Variants in PALM2AKAP2 observed in about 807,000 individuals in gnomAD.
PALM2AKAP2 encodes the protein PALM2-AKAP2 fusion protein.
PALM2AKAP2 carries 37 observed loss-of-function variants against 71.5 expected under a neutral mutation model. The observed-to-expected ratio is 0.52, with a 90% confidence interval of 0.40 to 0.68. The LOEUF is 0.68. PALM2AKAP2 is among the 30% of genes least tolerant of loss of function. The probability of loss-of-function intolerance (pLI) is 0.00; values close to 1 mark genes in which losing one functional copy is unlikely to be tolerated. For synonymous variants in PALM2AKAP2, 468 were observed against 478.8 expected, an observed-to-expected ratio of 0.98 and a Z score of 0.29; for missense variants, 1,224 against 1,191.8, an observed-to-expected ratio of 1.03 and a Z score of -0.40.
At chr9:110,051,142 G>A (rs955271414) in intron 1 of PALM2AKAP2, among the ~76,000 whole-genome samples, 5 of 152,160 alleles carry the variant, frequency 3.3e-5, no homozygotes, top group Admixed American at 1.3e-4. Flanking sequence ...GAATAGCTGG[G>A]CTTTGAGATG....
chr9:109,679,095 C>A (rs921283678), intron 1 of PALM2AKAP2, among the ~76,000 whole-genome samples: 3 of 152,198 alleles, frequency 2.0e-5, no homozygotes, highest in Admixed American at 2.0e-4. Flanking sequence ...GTGTCTGAAA[C>A]TACATTAGCT....
chr9:109,704,283 T>TC lies in PALM2AKAP2; in HGVS notation c.5+63423dup, dbSNP rs1375504306. Among the ~76,000 whole-genome samples the TC allele has an allele frequency of 2.0e-5, 3 of 151,994 alleles. No individual in the cohort carries two copies. In the East Asian group the frequency reaches 5.8e-4, roughly 29 times the overall value. On this transcript the variant is annotated intron_variant, in intron 1 of 6. Transcript: ENST00000374531. Reference sequence around the variant, plus strand: ...AGCAGATTCATACTTCTTCCAAATTTCCCCCCTTTTTAGCCTGTAAAGCCA... The same window carrying TC: ...AGCAGATTCATACTTCTTCCAAATTTCCCCCCCTTTTTAGCCTGTAAAGCCA...
intron 7 of PALM2AKAP2, among the ~76,000 whole-genome samples, chr9:110,033,669 G>A (rs1564270311): frequency 6.6e-6 from 1 of 152,190 alleles, no homozygotes; most frequent in Non-Finnish European, 1.5e-5. Context: ...TGCTTTCTGT[G>A]TAATGAGTAA....
intron 1 of PALM2AKAP2, among the ~76,000 whole-genome samples, chr9:110,132,794 G>C (rs1044031416): frequency 6.6e-6 from 1 of 151,850 alleles, no homozygotes; most frequent in Non-Finnish European, 1.5e-5. Context: ...ATGTTTAGTG[G>C]AGAGGAGGTT....
intron 1 of PALM2AKAP2, among the ~76,000 whole-genome samples, chr9:109,729,177 A>G (rs1026294758): frequency 6.6e-6 from 1 of 152,170 alleles, no homozygotes; most frequent in Non-Finnish European, 1.5e-5. Context: ...TAAGCTCTCC[A>G]GAGAGTGACT....
chr9:109,736,231 A>G (rs1344047197), intron 1 of PALM2AKAP2, among the ~76,000 whole-genome samples: 2 of 152,258 alleles, frequency 1.3e-5, no homozygotes, highest in Non-Finnish European at 2.9e-5. Flanking sequence ...GTGAATTACT[A>G]TAAATACATA....
chr9:109,829,300 G>T (rs1335933107), intron 1 of PALM2AKAP2, among the ~76,000 whole-genome samples: 7 of 152,074 alleles, frequency 4.6e-5, no homozygotes, highest in Non-Finnish European at 8.8e-5. Flanking sequence ...TTCATCCTTT[G>T]CATTCCATCC....
chr9:110,168,725 C>T, exon 4 of PALM2AKAP2: 1 of 498,230 alleles, frequency 2.0e-6, no homozygotes, highest in Non-Finnish European at 3.5e-6. Flanking sequence ...TTTTTGGTGA[C>T]TCAATCCCAG....
intron 2 of PALM2AKAP2, among the ~76,000 whole-genome samples, chr9:109,875,636 T>A (rs1279101031): frequency 6.6e-6 from 1 of 152,208 alleles, no homozygotes; most frequent in Non-Finnish European, 1.5e-5. Flanking sequence ...TGGTCCTCAG[T>A]CTGGCATTGC....
intron 6 of PALM2AKAP2, among the ~76,000 whole-genome samples, chr9:109,992,549 G>A (rs914004229): frequency 1.3e-5 from 2 of 152,136 alleles, no homozygotes; most frequent in Admixed American, 6.5e-5. Flanking sequence ...CTCCTGAGTA[G>A]TTGGGACTGC....
intron 2 of PALM2AKAP2, among the ~76,000 whole-genome samples, chr9:110,148,283 G>A (rs980244785): frequency 3.3e-5 from 5 of 151,970 alleles, no homozygotes; most frequent in African/African-American, 1.2e-4. Context: ...GTGTTCATAG[G>A]TATAAACCCA....
At chr9:110,163,621 A>G (rs1017097337) in intron 3 of PALM2AKAP2, among the ~76,000 whole-genome samples, 4 of 152,202 alleles carry the variant, frequency 2.6e-5, no homozygotes, top group Non-Finnish European at 5.9e-5. Flanking sequence ...AAGACATTCT[A>G]TAAGCGGTAA....
chr9:109,883,509 G>A (rs1829902079), intron 3 of PALM2AKAP2, among the ~76,000 whole-genome samples: 1 of 152,200 alleles, frequency 6.6e-6, no homozygotes. Flanking sequence ...TTCTGAGGGA[G>A]GAGTTTCTTC....
At chr9:110,126,306 A>G (rs997652118) in intron 1 of PALM2AKAP2, among the ~76,000 whole-genome samples, 14 of 152,236 alleles carry the variant, frequency 9.2e-5, no homozygotes, top group African/African-American at 2.7e-4. Context: ...GATCTCTGCC[A>G]TGACCTGCTC....
intron 1 of PALM2AKAP2, among the ~76,000 whole-genome samples, chr9:109,813,870 C>T (rs916513009): frequency 3.9e-5 from 6 of 152,244 alleles, no homozygotes; most frequent in African/African-American, 1.2e-4. Context: ...TAACACACCA[C>T]GCCCTGCACC....
intron 1 of PALM2AKAP2, among the ~76,000 whole-genome samples, chr9:109,830,924 A>G (rs1828281830): frequency 6.6e-6 from 1 of 152,124 alleles, no homozygotes; most frequent in Non-Finnish European, 1.5e-5. Context: ...TAAAATTGGC[A>G]AAAGGTAAAC....
intron 1 of PALM2AKAP2, among the ~76,000 whole-genome samples, chr9:109,850,064 G>A (rs1440311906): frequency 2.0e-5 from 3 of 152,158 alleles, no homozygotes; most frequent in Admixed American, 6.6e-5. Flanking sequence ...GCCCTCAGTA[G>A]AACTGATTTC....
intron 1 of PALM2AKAP2, among the ~76,000 whole-genome samples, chr9:110,115,889 T>C (rs575412311): frequency 3.3e-5 from 5 of 152,368 alleles, no homozygotes; most frequent in African/African-American, 1.2e-4. Context: ...TTAAGTGTTC[T>C]TAGAACTCAC....
At chr9:109,846,275 G>A (rs909569717) in intron 1 of PALM2AKAP2, among the ~76,000 whole-genome samples, 1 of 152,144 alleles carries the variant, frequency 6.6e-6, no homozygotes, top group Non-Finnish European at 1.5e-5. Context: ...CCAAGGTTAG[G>A]GCTTGTGATA....
Sources: allele counts gnomAD v4.1 joint callset (sites outside exome capture counted in the v4.1 genomes callset), GRCh38; gene constraint gnomAD v4.1.1; transcripts MANE v1.5; gene names NCBI Gene and HGNC (gene_info 2026-07-23, HGNC 2026-07-21).